The following TEX11 variants were observed in gnomAD, a reference collection of about 807,000 sequenced individuals.
The protein encoded by TEX11 is testis-expressed protein 11.
A neutral mutation model predicts 84.4 loss-of-function variants in TEX11; 7 were observed. The observed-to-expected ratio is 0.08, with a 90% confidence interval of 0.05 to 0.16. TEX11 has a LOEUF of 0.16. Ranked by LOEUF, TEX11 falls within the 10% of genes least tolerant of loss-of-function variation. The pLI is 1.00. For missense variants in TEX11, 551 were observed against 660.5 expected (o/e 0.83, Z 1.82); for synonymous variants, 264 against 222.8 (o/e 1.18, Z -1.64).
chrX:70,629,647 G>A lies in TEX11; in HGVS notation c.1572C>T (p.Thr524=). 1 of 1,207,528 alleles carries A rather than the reference G, an allele frequency of 8.3e-7. No individual in the cohort carries two copies. Among genetic ancestry groups the A allele is most frequent in the Non-Finnish European group, 1.1e-6 (1 of 892,497 alleles). ...ACTGGGCAGCTAAACTTAGAAGCATGGTAGGTGAACCTCTCTCTGCAACTA... is the reference window on the plus strand; with the variant it reads ...ACTGGGCAGCTAAACTTAGAAGCATAGTAGGTGAACCTCTCTCTGCAACTA... The part of the protein sequence containing the change: ...NDLVAERGSP[T]MLLSLAAQFA... The change falls in exon 18 of 30, where the codon ACC becomes ACT. Residue 524 remains threonine (T), a synonymous_variant. Transcript: ENST00000374333.
chrX:70,729,971 C>T (rs4551516), intron 11 of TEX11, among the ~76,000 whole-genome samples: 44,764 of 111,386 alleles, frequency 0.4, 7,414 homozygotes, highest in East Asian at 0.58. Context: ...TCGGCAGAAA[C>T]TCTACAAGCC....
intron 12 of TEX11, chrX:70,724,439 A>G (rs762326996): frequency 7.1e-5 from 8 of 112,923 alleles, no homozygotes; most frequent in African/African-American, 1.9e-4. Flanking sequence ...ACTATAACAA[A>G]TTGTTATTAT....
intron 24 of TEX11, among the ~76,000 whole-genome samples, chrX:70,593,837 G>A (rs2088967652): frequency 9.0e-6 from 1 of 110,651 alleles, no homozygotes; most frequent in Non-Finnish European, 1.9e-5. Context: ...CAAAATATGA[G>A]AGCAGAATGA....
chrX:70,903,982 T>C (rs1464725210), intron 2 of TEX11, among the ~76,000 whole-genome samples: 1 of 64,773 alleles, frequency 1.5e-5, no homozygotes, highest in Admixed American at 2.4e-4. Flanking sequence ...CATCCAGCTT[T>C]TTTTTTTTTT....
intron 25 of TEX11, among the ~76,000 whole-genome samples, chrX:70,578,831 C>G (rs2088719694): frequency 1.1e-5 from 1 of 93,073 alleles, no homozygotes; most frequent in Admixed American, 1.3e-4. Context: ...AGTGCAATTG[C>G]ACGATCTTGG....
chrX:70,854,813 A>G (rs1428845748), intron 5 of TEX11, among the ~76,000 whole-genome samples: 1 of 109,378 alleles, frequency 9.1e-6, no homozygotes, highest in Non-Finnish European at 1.9e-5. Context: ...TGGGAGGCCG[A>G]GGTGGACGAA....
intron 9 of TEX11, among the ~76,000 whole-genome samples, chrX:70,803,950 C>T (rs1012604797): frequency 9.0e-6 from 1 of 111,253 alleles, no homozygotes; most frequent in Non-Finnish European, 1.9e-5. Context: ...TTGAGACCAC[C>T]GTGGTTTATA....
chrX:70,661,231 C>A (rs752269017), intron 16 of TEX11, among the ~76,000 whole-genome samples: 11 of 112,414 alleles, frequency 9.8e-5, no homozygotes, highest in Non-Finnish European at 1.9e-4. Flanking sequence ...AGACTGTATC[C>A]CACGCCTGGC....
chrX:70,842,040 T>G (rs1489184959), intron 7 of TEX11, among the ~76,000 whole-genome samples: 2 of 111,325 alleles, frequency 1.8e-5, no homozygotes, highest in African/African-American at 6.5e-5. Context: ...ACAGCCGAAT[T>G]CTACCAGAGG....
chrX:70,602,048 TG>T (rs940042086), intron 24 of TEX11, among the ~76,000 whole-genome samples: 1 of 111,359 alleles, frequency 9.0e-6, no homozygotes, highest in Non-Finnish European at 1.9e-5. Flanking sequence ...AATGAGCCGC[TG>T]GGCACACCTC....
chrX:70,525,872 G>A (rs932292960), downstream of TEX11, among the ~76,000 whole-genome samples: 3 of 112,057 alleles, frequency 2.7e-5, no homozygotes, highest in African/African-American at 9.7e-5. Flanking sequence ...TGAAGGCAGG[G>A]AAGAGCAAAC....
chrX:70,841,772 G>C (rs2091446167), intron 7 of TEX11, among the ~76,000 whole-genome samples: 1 of 111,358 alleles, frequency 9.0e-6, no homozygotes, highest in Non-Finnish European at 1.9e-5. Context: ...GAATCAATTA[G>C]ACGCAATAAA....
chrX:70,845,534 A>G (rs2091474540), intron 7 of TEX11, among the ~76,000 whole-genome samples: 1 of 111,274 alleles, frequency 9.0e-6, no homozygotes, highest in Non-Finnish European at 1.9e-5. Context: ...GAAATTAAAA[A>G]TAGTTAATCC....
At chrX:70,755,750 T>TGGATGCAGCCCAC (rs1274491644) in intron 9 of TEX11, among the ~76,000 whole-genome samples, 1 of 112,167 alleles carries the variant, frequency 8.9e-6, no homozygotes. Context: ...GGTTGGACAG[T>TGGATGCAGCCCAC]GGATGCAGCC....
intron 8 of TEX11, among the ~76,000 whole-genome samples, chrX:70,825,509 A>G (rs1393486408): frequency 2.7e-5 from 3 of 111,130 alleles, no homozygotes; most frequent in Non-Finnish European, 3.8e-5. Context: ...TGAACAAATA[A>G]TTATAAACAC....
chrX:70,662,552 A>T (rs1294922392), intron 16 of TEX11, among the ~76,000 whole-genome samples: 2 of 111,087 alleles, frequency 1.8e-5, no homozygotes, highest in African/African-American at 6.6e-5. Flanking sequence ...CAACTCCAAG[A>T]CACATAATTG....
chrX:70,718,342 G>C (rs990991104), intron 13 of TEX11, among the ~76,000 whole-genome samples: 3 of 112,347 alleles, frequency 2.7e-5, no homozygotes, highest in African/African-American at 9.7e-5. Context: ...ACCTGCAATT[G>C]TGAATACGTA....
chrX:70,610,598 A>G, intron 20 of TEX11, 55 bp from the exon 21 acceptor site: 1 of 1,116,154 alleles, frequency 9.0e-7, no homozygotes, highest in Non-Finnish European at 1.2e-6. Context: ...ACTATAAAAC[A>G]TAACTAAAAA....
At chrX:70,889,473 A>C (rs1183270843) in intron 2 of TEX11, among the ~76,000 whole-genome samples, 6 of 111,429 alleles carry the variant, frequency 5.4e-5, no homozygotes, top group African/African-American at 2.0e-4. Context: ...AGTACAAAAA[A>C]AAAGTAACAC....
Sources: allele counts gnomAD v4.1 joint callset (sites outside exome capture counted in the v4.1 genomes callset), GRCh38; gene constraint gnomAD v4.1.1; transcripts MANE v1.5; gene names NCBI Gene and HGNC (gene_info 2026-07-23, HGNC 2026-07-21).